CENPQ: variants seen among roughly 807,000 people sequenced by gnomAD.
CENPQ encodes chromosome 6 open reading frame 139.
CENPQ carries 27 observed loss-of-function variants against 36.6 expected under a neutral mutation model. That is an observed-to-expected ratio of 0.74 (90% CI 0.54 to 1.02). The LOEUF is 1.02. Ranked by LOEUF, CENPQ falls within the 50% of genes least tolerant of loss-of-function variation. The pLI, the probability that CENPQ is intolerant of heterozygous loss-of-function variation, is 0.00. For missense variants in CENPQ, 306 were observed against 301.8 expected, an observed-to-expected ratio of 1.01 and a Z score of -0.10; for synonymous variants, 101 against 101.7, an observed-to-expected ratio of 0.99 and a Z score of 0.04.
chr6:49,479,227 A>G (rs926095398), intron 5 of CENPQ, among the ~76,000 whole-genome samples: 2 of 152,124 alleles, frequency 1.3e-5, no homozygotes, highest in African/African-American at 2.4e-5. Flanking sequence ...TTTGCAAACA[A>G]TGCATCAAAC....
At chr6:49,482,658 G>A (rs987072299) in intron 6 of CENPQ, among the ~76,000 whole-genome samples, 1 of 52,610 alleles carries the variant, frequency 1.9e-5, no homozygotes, top group Non-Finnish European at 3.7e-5. Context: ...CTCACTGCTC[G>A]GCGATTGGCG....
At chr6:49,486,445 C>A (rs1033913316) in intron 6 of CENPQ, among the ~76,000 whole-genome samples, 1 of 152,180 alleles carries the variant, frequency 6.6e-6, no homozygotes, top group African/African-American at 2.4e-5. Context: ...GGCTGAGGAA[C>A]CAGTTAAACT....
chr6:49,472,763 T>C (rs1310605415), intron 4 of CENPQ, 27 bp from the exon 5 acceptor site: 21 of 1,416,184 alleles, frequency 1.5e-5, no homozygotes, highest in Non-Finnish European at 1.9e-5. Context: ...CAGACTACTA[T>C]TTATTCCATC....
intron 1 of CENPQ, among the ~76,000 whole-genome samples, chr6:49,469,606 C>G (rs914142700): frequency 1.3e-5 from 2 of 152,032 alleles, no homozygotes; most frequent in African/African-American, 4.8e-5. Flanking sequence ...TGCACATAGC[C>G]CAGATAGGAT....
At chr6:49,479,943 A>G (rs1768389574) in intron 5 of CENPQ, among the ~76,000 whole-genome samples, 1 of 152,138 alleles carries the variant, frequency 6.6e-6, no homozygotes, top group Non-Finnish European at 1.5e-5. Context: ...AAAGAAGGGA[A>G]CAAAGATACC....
intron 5 of CENPQ, among the ~76,000 whole-genome samples, chr6:49,478,238 C>T (rs1768349927): frequency 6.6e-6 from 1 of 152,146 alleles, no homozygotes; most frequent in Non-Finnish European, 1.5e-5. Context: ...ATATTTGAAA[C>T]ACTTGTTCTT....
chr6:49,471,021 T>C lies in CENPQ; in HGVS notation c.150T>C (p.Ser50=). ...ATAAAAATCATCTGAAAGATCTGTC[T>C]TCTGAAGGTATTTCTTTTCTATTAC... The part of the protein sequence containing the change: ...KKNKNHLKDL[S]SEGQTKHTNL... The change falls in exon 3 of 9, where the codon TCT becomes TCC. Residue 50 remains serine (S), a synonymous_variant. Transcript: ENST00000335783. 1 of 1,513,600 alleles carries C rather than the reference T, an allele frequency of 6.6e-7. No individual in the cohort carries two copies. Among genetic ancestry groups the C allele is most frequent in the Non-Finnish European group, 8.9e-7 (1 of 1,122,228 alleles). 93.8% of individuals were successfully genotyped at this position (1,513,600 alleles called of 1,614,324 possible). A position where few individuals can be genotyped will look rare whatever the true frequency, so the allele number is the denominator to read the frequency against.
rs1284297667 is a variant in CENPQ at position 49,466,869 on chromosome 6, G to A, written c.-18-3290G>A. On this transcript the variant is annotated intron_variant, in intron 1 of 8. Coordinates refer to ENST00000335783, the MANE Select transcript of CENPQ (RefSeq NM_018132.4). ...AAGATATACAGTTAATTAAGTGGCAGGGCTAGATTTGGAGCTTGAACAATT... is the reference window on the plus strand; with the variant it reads ...AAGATATACAGTTAATTAAGTGGCAAGGCTAGATTTGGAGCTTGAACAATT... Among the ~76,000 whole-genome samples the A allele has an allele frequency of 2.6e-5, 4 of 152,258 alleles. No homozygotes were observed. In the East Asian group the frequency reaches 7.7e-4, roughly 29 times the overall value.
intron 4 of CENPQ, 142 bp from the exon 5 acceptor site, chr6:49,472,648 G>T: frequency 1.8e-6 from 1 of 550,904 alleles, no homozygotes. Context: ...TGTTTAAAGT[G>T]TCTTTAATAT....
At position 49,467,586 on chromosome 6, in the gene CENPQ, TACTC is replaced by T. The variant is rs377489533; in HGVS notation, c.-18-2572_-18-2569del. Among the ~76,000 whole-genome samples the T allele has an allele frequency of 3.6e-3, 549 of 152,350 alleles. 1 individual carries two copies. Among genetic ancestry groups the T allele is most frequent in the Admixed American group, 5.9e-3 (90 of 15,300 alleles). ...TGATAAGGTTCAATGTGCATAAAAT[TACTC>T]TATCAAATTGCTACAAAAGTTTCTA... On this transcript the variant is annotated intron_variant, in intron 1 of 8. Transcript: ENST00000335783.
intron 6 of CENPQ, among the ~76,000 whole-genome samples, chr6:49,486,728 C>A (rs1233422885): frequency 6.6e-6 from 1 of 151,918 alleles, no homozygotes; most frequent in Non-Finnish European, 1.5e-5. Context: ...TGATATTGTA[C>A]TCTTATGTAT....
In CENPQ at chr6:49,472,073, G is replaced by T; in HGVS notation, c.168G>T (p.Lys56Asn). 6.2e-7 allele frequency: 1 copy of T among 1,611,238 alleles called. No homozygotes were observed. The highest frequency in any genetic ancestry group is 8.5e-7 in the Non-Finnish European group (1 of 1,178,754). The change falls in exon 4 of 9, where the codon AAG becomes AAT. Residue 56 changes from lysine (K) to asparagine (N), a missense_variant. Coordinates refer to ENST00000335783, the MANE Select transcript of CENPQ (RefSeq NM_018132.4). Reference protein sequence around the residue: ...LKDLSSEGQTKHTNLKHGKTA... With the variant: ...LKDLSSEGQTNHTNLKHGKTA... ...TATTACTAACGACAGGACAAACAAAGCACACTAACCTAAAACACGGAAAGA... is the reference window on the plus strand; with the variant it reads ...TATTACTAACGACAGGACAAACAAATCACACTAACCTAAAACACGGAAAGA...
chr6:49,477,232 A>G (rs1290070116), intron 5 of CENPQ, among the ~76,000 whole-genome samples: 3 of 152,152 alleles, frequency 2.0e-5, no homozygotes, highest in African/African-American at 7.2e-5. Context: ...ATGGAATACT[A>G]TGCAGCCATA....
chr6:49,486,731 T>A (rs1768589098), intron 6 of CENPQ, among the ~76,000 whole-genome samples: 1 of 152,210 alleles, frequency 6.6e-6, no homozygotes, highest in African/African-American at 2.4e-5. Context: ...TATTGTACTC[T>A]TATGTATCTT....
At chr6:49,469,581 G>A (rs1768078925) in intron 1 of CENPQ, among the ~76,000 whole-genome samples, 1 of 152,100 alleles carries the variant, frequency 6.6e-6, no homozygotes, top group South Asian at 2.1e-4. Flanking sequence ...GTACATTTCT[G>A]TACTCTTGTT....
In CENPQ at chr6:49,466,478, A is replaced by G. The variant is rs536977192; in HGVS notation, c.-19+3025A>G. ...ACAATAAAAAGAGTTATGCCTGTAC[A>G]TTCTTACCCATAGCACAAACCAGTT... On this transcript the variant is annotated intron_variant, in intron 1 of 8. Transcript: ENST00000335783. Among the ~76,000 whole-genome samples, 40 of 152,360 alleles carry G rather than the reference A, an allele frequency of 2.6e-4. 1 individual carries two copies. The South Asian group carries it at 2.9e-3, about 11-fold the overall frequency.
At position 49,488,437 on chromosome 6, in the gene CENPQ, G is replaced by T. The variant is rs748830925; in HGVS notation, c.563G>T (p.Ser188Ile). 8 of 1,613,058 alleles carry T rather than the reference G, an allele frequency of 5.0e-6. No homozygotes were observed. Among genetic ancestry groups the T allele is most frequent in the Non-Finnish European group, 5.9e-6 (7 of 1,179,324 alleles). The stretch of plus-strand genomic sequence containing the variant: ...AAGAACAAAATTCAGATTCTGGCAA[G>T]TGAGGTGGAAGAAGAAGAGGAGAGA... The part of the protein sequence containing the change: ...SLKNKIQILA[S>I]EVEEEEERVK... The change falls in exon 7 of 9, where the codon AGT becomes ATT. Residue 188 changes from serine to isoleucine, a missense_variant. Physicochemically the swap from Ser to Ile is moderately radical, Grantham distance 142. Transcript: ENST00000335783.
chr6:49,474,745 A>T (rs764722195), intron 5 of CENPQ, among the ~76,000 whole-genome samples: 3 of 152,202 alleles, frequency 2.0e-5, no homozygotes, highest in Non-Finnish European at 4.4e-5. Context: ...AAAGATCAAC[A>T]AAATTGATAG....
intron 1 of CENPQ, among the ~76,000 whole-genome samples, chr6:49,467,075 A>G (rs934415636): frequency 6.6e-6 from 1 of 152,212 alleles, no homozygotes; most frequent in African/African-American, 2.4e-5. Context: ...ACATCCTACA[A>G]TACACACCAC....
Sources: gnomAD v4.1 joint callset for allele counts (sites outside exome capture counted in the v4.1 genomes callset) on GRCh38, gnomAD v4.1.1 for gene constraint, MANE v1.5 for transcripts, NCBI Gene and HGNC (gene_info 2026-07-23, HGNC 2026-07-21) for gene names.